Variants in WIF1 observed in about 807,000 individuals in gnomAD.
WIF1 encodes Wnt inhibitory factor 1.
Under a neutral mutation model 53.5 loss-of-function variants are expected in WIF1, and 35 were observed. That is an observed-to-expected ratio of 0.65 (90% CI 0.50 to 0.87). The LOEUF is 0.87. Among genes scored for constraint, WIF1 ranks in the 40% least tolerant of loss-of-function variants. The pLI, the probability that WIF1 is intolerant of heterozygous loss-of-function variation, is 0.00. For synonymous variants in WIF1, 171 were observed against 170.4 expected (o/e 1.00, Z -0.03); for missense variants, 467 against 476.8 (o/e 0.98, Z 0.19).
intron 2 of WIF1, among the ~76,000 whole-genome samples, chr12:65,111,698 T>A (rs561284487): frequency 7.9e-5 from 12 of 152,308 alleles, no homozygotes; most frequent in Admixed American, 4.6e-4. Flanking sequence ...GTCTCTCCAG[T>A]TAGCTTCTAA....
rs1882433430 is a variant in WIF1, at chr12:65,051,112, CATAAT to C, written c.*232_*236del. The C allele has an allele frequency of 2.6e-6, 1 of 380,332 alleles. No homozygotes were observed. The highest frequency in any genetic ancestry group is 2.1e-5 in the African/African-American group (1 of 48,250). The allele number at this position is 380,332 out of a possible 1,614,324, so 23.6% of individuals were successfully genotyped here. A position where few individuals can be genotyped will look rare whatever the true frequency, so the allele number is the denominator to read the frequency against. On this transcript the variant is annotated 3_prime_UTR_variant, in exon 10 of 10. Transcript: ENST00000286574. ...TGAAAATTTTAACCTGATCAATTGA[CATAAT>C]ATAAAATCTGTCCCAAAGCACTGAA...
In WIF1 at chr12:65,056,253, C is replaced by T. The variant is rs1222579794; in HGVS notation, c.827-127G>A. 5.4e-6 allele frequency: 4 copies of T among 735,332 alleles called. No individual in the cohort carries two copies. In the East Asian group the frequency reaches 1.2e-4, roughly 22 times the overall value. 45.6% of individuals were successfully genotyped at this position (735,332 alleles called of 1,614,324 possible). A position where few individuals can be genotyped will look rare whatever the true frequency, so the allele number is the denominator to read the frequency against. ...TTTAAATGGCAATTTTCATTTATTT[C>T]AGATCTACTCTGGCTTTTTTTTTTT... On this transcript the variant is annotated intron_variant, in intron 7 of 9. Coordinates refer to ENST00000286574, the MANE Select transcript of WIF1 (RefSeq NM_007191.5).
intron 2 of WIF1, chr12:65,083,695 G>T (rs991464478): frequency 9.1e-6 from 3 of 328,028 alleles, no homozygotes; most frequent in African/African-American, 2.2e-5. Context: ...ATGGAGCCTG[G>T]TTCATTATCT....
In WIF1 at chr12:65,108,299, G is replaced by T. The variant is rs531366412; in HGVS notation, c.288+12118C>A. On this transcript the variant is annotated intron_variant, in intron 2 of 9. Coordinates refer to ENST00000286574, the MANE Select transcript of WIF1 (RefSeq NM_007191.5). ...AATATTTATTGAGTGGAGGTCAAAA[G>T]AAGGAAGGGTGATAGGGCAGATGAG... Among the ~76,000 whole-genome samples the T allele has an allele frequency of 5.3e-4, 80 of 152,262 alleles. No homozygotes were observed. In the Middle Eastern group the frequency reaches 0.01, roughly 19 times the overall value.
rs1351248195 is a variant in WIF1 at position 65,055,189 on chromosome 12, G to T, written c.947C>A (p.Ala316Glu). The change falls in exon 9 of 10, where the codon GCA becomes GAA. Residue 316 changes from alanine to glutamate, a missense_variant. Ala to Glu is a moderately radical substitution (Grantham distance 107, BLOSUM62 -1). Transcript: ENST00000286574. ...SKPVCEPGCG[A>E]HGTCHEPNKC... ...GTTGGGTTCATGGCAGGTTCCATGTGCACCACAGCCAGGCTCGCAGACAGC... is the reference window on the plus strand; with the variant it reads ...GTTGGGTTCATGGCAGGTTCCATGTTCACCACAGCCAGGCTCGCAGACAGC... 6.2e-7 allele frequency: 1 copy of T among 1,613,892 alleles called. No homozygotes were observed. The highest frequency in any genetic ancestry group is 8.5e-7 in the Non-Finnish European group (1 of 1,179,996).
At chr12:65,073,689 T>A (rs1882816580) in intron 3 of WIF1, among the ~76,000 whole-genome samples, 2 of 152,168 alleles carry the variant, frequency 1.3e-5, no homozygotes, top group Admixed American at 1.3e-4. Context: ...CCTGGATGCT[T>A]AAGAGCAAAG....
At chr12:65,081,531 C>A (rs1443150413) in intron 2 of WIF1, among the ~76,000 whole-genome samples, 1 of 152,132 alleles carries the variant, frequency 6.6e-6, no homozygotes, top group Non-Finnish European at 1.5e-5. Context: ...TAATAGATTT[C>A]TCTGGACACC....
chr12:65,090,228 A>G (rs1223151568), intron 2 of WIF1, among the ~76,000 whole-genome samples: 2 of 152,122 alleles, frequency 1.3e-5, no homozygotes, highest in South Asian at 2.1e-4. Context: ...CCAAATAACA[A>G]TGGCCACGAG....
intron 2 of WIF1, among the ~76,000 whole-genome samples, chr12:65,079,412 C>G (rs1175243772): frequency 2.0e-5 from 3 of 152,028 alleles, no homozygotes; most frequent in Non-Finnish European, 4.4e-5. Flanking sequence ...AATGGCTTCC[C>G]TGGTGAATTC....
chr12:65,085,826 A>G (rs936297639), intron 2 of WIF1, among the ~76,000 whole-genome samples: 1 of 152,224 alleles, frequency 6.6e-6, no homozygotes, highest in Admixed American at 6.5e-5. Context: ...TTTGTAAATT[A>G]AAACTGGCAG....
At chr12:65,119,993 A>T (rs978983393) in intron 2 of WIF1, among the ~76,000 whole-genome samples, 2 of 152,234 alleles carry the variant, frequency 1.3e-5, no homozygotes, top group African/African-American at 4.8e-5. Context: ...CTGACTTTTT[A>T]AAAGTGCACA....
intron 6 of WIF1, among the ~76,000 whole-genome samples, chr12:65,064,278 G>A (rs1187493395): frequency 6.6e-6 from 1 of 152,188 alleles, no homozygotes; most frequent in Non-Finnish European, 1.5e-5. Flanking sequence ...CACACTCTTA[G>A]TACTTGTATG....
Position 65,120,519 on chromosome 12 carries a change from T to C in WIF1, c.186A>G (p.Lys62=). 1 of 1,614,048 alleles carries C rather than the reference T, an allele frequency of 6.2e-7. No individual in the cohort carries two copies. The highest frequency in any genetic ancestry group is 8.5e-7 in the Non-Finnish European group (1 of 1,179,972). Residue 62 remains lysine, a synonymous_variant, in exon 2 of 10, where the codon AAA becomes AAG. Coordinates refer to ENST00000286574, the MANE Select transcript of WIF1 (RefSeq NM_007191.5). ...TGAAATCATGTGTAAAAGGTGCCAT[T>C]TTCCCCTCTGAAACAATCAGGATAT... ...EEDILIVSEG[K]MAPFTHDFRK...
chr12:65,096,393 A>G (rs1883205443), intron 2 of WIF1, among the ~76,000 whole-genome samples: 3 of 152,232 alleles, frequency 2.0e-5, no homozygotes. Flanking sequence ...GTGGAGAAAT[A>G]GGAATGCTTT....
At chr12:65,072,660 A>G (rs1026080263) in intron 3 of WIF1, among the ~76,000 whole-genome samples, 36 of 152,292 alleles carry the variant, frequency 2.4e-4, no homozygotes, top group African/African-American at 8.4e-4. Context: ...CATAGACAGT[A>G]GGAGATGTAG....
intron 2 of WIF1, among the ~76,000 whole-genome samples, chr12:65,113,204 A>G (rs1055562309): frequency 2.0e-5 from 3 of 152,202 alleles, no homozygotes; most frequent in Admixed American, 6.5e-5. Context: ...AAATTACTGC[A>G]GTAGAAGAAG....
At chr12:65,090,013 G>A (rs1363780025) in intron 2 of WIF1, among the ~76,000 whole-genome samples, 1 of 152,082 alleles carries the variant, frequency 6.6e-6, no homozygotes, top group Non-Finnish European at 1.5e-5. Flanking sequence ...TAAAAAAATA[G>A]GTAACTCACC....
chr12:65,094,285 T>C (rs1883168589), intron 2 of WIF1, among the ~76,000 whole-genome samples: 1 of 152,198 alleles, frequency 6.6e-6, no homozygotes, highest in Non-Finnish European at 1.5e-5. Context: ...TTTACCTAAT[T>C]GCATGGCTTG....
At position 65,081,169 on chromosome 12, in the gene WIF1, G is replaced by T. The variant is rs189706861; in HGVS notation, c.289-3315C>A. ...CATGTACCCTCCTTTCAGTTCCGTG[G>T]CTGATGATTCTTTTTCCATAATTCT... On this transcript the variant is annotated intron_variant, in intron 2 of 9. Transcript: ENST00000286574. Among the ~76,000 whole-genome samples the T allele has an allele frequency of 3.9e-3, 596 of 151,826 alleles. 7 individuals are homozygous for T. Among genetic ancestry groups the T allele is most frequent in the African/African-American group, 0.014 (573 of 41,376 alleles).
Sources: allele counts gnomAD v4.1 joint callset (sites outside exome capture counted in the v4.1 genomes callset), GRCh38; gene constraint gnomAD v4.1.1; transcripts MANE v1.5; gene names NCBI Gene and HGNC (gene_info 2026-07-23, HGNC 2026-07-21).